Variants in GBP6 observed in about 807,000 individuals in gnomAD.
The protein encoded by GBP6 is guanylate-binding protein 6.
GBP6 carries 54 observed loss-of-function variants against 61.5 expected under a neutral mutation model. The observed-to-expected ratio is 0.88, with a 90% CI of 0.71 to 1.10. The LOEUF (loss-of-function observed/expected upper bound fraction) is 1.10. Ranked by LOEUF, GBP6 falls within the 50% of genes least tolerant of loss-of-function variation. GBP6 has a pLI of 0.00. For synonymous variants in GBP6, 255 were observed against 273.7 expected (o/e 0.93, Z 0.67); for missense variants, 748 against 752.8 (o/e 0.99, Z 0.07).
chr1:89,382,605 T>C, intron 7 of GBP6, 59 bp from the exon 8 acceptor site: 1 of 1,408,564 alleles, frequency 7.1e-7, no homozygotes, highest in East Asian at 2.3e-5. Flanking sequence ...ACCAGATTCT[T>C]TAGAATTTCA....
At chr1:89,377,769 C>T (rs901306733) in intron 3 of GBP6, among the ~76,000 whole-genome samples, 3 of 152,144 alleles carry the variant, frequency 2.0e-5, no homozygotes, top group African/African-American at 7.2e-5. Flanking sequence ...ATATGTGATG[C>T]ATGGCCAATA....
At chr1:89,373,151 A>C (rs1345350686) in intron 3 of GBP6, among the ~76,000 whole-genome samples, 1 of 152,244 alleles carries the variant, frequency 6.6e-6, no homozygotes, top group Non-Finnish European at 1.5e-5. Flanking sequence ...TGATCATTAA[A>C]AAGTCAGGAA....
intron 6 of GBP6, 124 bp from the exon 7 acceptor site, chr1:89,381,570 G>C: frequency 1.2e-6 from 1 of 830,968 alleles, no homozygotes; most frequent in South Asian, 1.8e-5. Context: ...AGGGATGTGG[G>C]TGTATGTGTT....
At position 89,386,335 on chromosome 1, in the gene GBP6, T is replaced by C. The variant is rs564775791; in HGVS notation, c.*866T>C. On this transcript the variant is annotated 3_prime_UTR_variant, in exon 11 of 11. Coordinates refer to ENST00000370456, the MANE Select transcript of GBP6 (RefSeq NM_198460.3). ...TGAATGTAGGGGTTGAAGGAACACA[T>C]ACTCTTCACTTTATACTCTTGAATT... is the stretch of plus-strand genomic sequence containing the variant. The C allele has an allele frequency of 2.6e-5, 4 of 152,332 alleles. No individual in the cohort carries two copies. The highest frequency in any genetic ancestry group is 7.2e-5 in the African/African-American group (3 of 41,576). 9.4% of individuals were successfully genotyped at this position (152,332 alleles called of 1,614,324 possible).
In GBP6 at chr1:89,369,609, AC is replaced by A; in HGVS notation, c.257del (p.Pro86HisfsTer46). The A allele has an allele frequency of 6.2e-7, 1 of 1,613,930 alleles. No homozygotes were observed. The highest frequency in any genetic ancestry group is 8.5e-7 in the Non-Finnish European group (1 of 1,179,872). On this transcript the variant is annotated frameshift_variant, in exon 3 of 11. Coordinates refer to ENST00000370456, the MANE Select transcript of GBP6 (RefSeq NM_198460.3). LOFTEE classifies it high-confidence loss of function. The stretch of plus-strand genomic sequence containing the variant: ...GGCATCTGGATGTGGTGCGTGCCCC[AC>A]CCATCCAAGCCAAACCACACCCTGG... ...TKGIWMWCVP[H>X]PSKPNHTLVL... is the part of the protein sequence containing the mutation.
intron 1 of GBP6, among the ~76,000 whole-genome samples, chr1:89,367,629 T>C (rs1324702304): frequency 6.6e-6 from 1 of 152,232 alleles, no homozygotes; most frequent in African/African-American, 2.4e-5. Flanking sequence ...TAGTGTTCTT[T>C]GATGCACAAA....
At chr1:89,368,170 A>G (rs1022305329) in intron 1 of GBP6, among the ~76,000 whole-genome samples, 3 of 152,110 alleles carry the variant, frequency 2.0e-5, no homozygotes, top group Non-Finnish European at 4.4e-5. Context: ...TCGTGATATC[A>G]TTTGTGTATT....
intron 1 of GBP6, among the ~76,000 whole-genome samples, chr1:89,365,015 G>A (rs116227981): frequency 0.084 from 1,110 of 13,166 alleles, 18 homozygotes; most frequent in African/African-American, 0.23. Flanking sequence ...CCAACCCCCC[G>A]CCGCCCGTGT....
chr1:89,377,602 A>G (rs576271113), intron 3 of GBP6, among the ~76,000 whole-genome samples: 1 of 152,182 alleles, frequency 6.6e-6, no homozygotes, highest in Non-Finnish European at 1.5e-5. Flanking sequence ...AAAGTTTGTC[A>G]CAGCTTTGAA....
In GBP6 at chr1:89,381,750, T is replaced by C. The variant is rs1395148029; in HGVS notation, c.928T>C (p.Cys310Arg). ...VEAINSGAVP[C>R]LENAVITLAQ... ...GGCCATCAACAGTGGAGCAGTGCCT[T>C]GTCTGGAGAATGCAGTGATAACTCT... Residue 310 changes from cysteine to arginine, a missense_variant, in exon 7 of 11, where the codon TGT becomes CGT. Transcript: ENST00000370456. 1 of 1,614,002 alleles carries C rather than the reference T, an allele frequency of 6.2e-7. No individual in the cohort carries two copies. The highest frequency in any genetic ancestry group is 1.3e-5 in the African/African-American group (1 of 74,896).
rs1653166330 is a variant in GBP6 at position 89,387,152 on chromosome 1, C to T, written c.*1683C>T. The stretch of plus-strand genomic sequence containing the variant: ...TACCCCAGGAAAGGACACTGCAACT[C>T]CAGGACCCAAATAAATGATAATGAT... On this transcript the variant is annotated 3_prime_UTR_variant, in exon 11 of 11. Coordinates refer to ENST00000370456, the MANE Select transcript of GBP6 (RefSeq NM_198460.3). 6.6e-6 allele frequency among the ~76,000 whole-genome samples: 1 copy of T among 152,118 alleles called. No individual in the cohort carries two copies. Among genetic ancestry groups the T allele is most frequent in the Non-Finnish European group, 1.5e-5 (1 of 68,018 alleles).
At position 89,381,986 on chromosome 1, in the gene GBP6, T is replaced by G. The variant is rs115696454; in HGVS notation, c.1152+12T>G. On this transcript the variant is annotated intron_variant, in intron 7 of 10. Transcript: ENST00000370456. ...AGAAGAAGTTCATGGTAATTTGCCTTAGTCATTACTGTTCATCATCCTTCC... is the reference window on the plus strand; with the variant it reads ...AGAAGAAGTTCATGGTAATTTGCCTGAGTCATTACTGTTCATCATCCTTCC... 2 of 1,590,866 alleles carry G rather than the reference T, an allele frequency of 1.3e-6. No individual in the cohort carries two copies. The highest frequency in any genetic ancestry group is 1.3e-5 in the African/African-American group (1 of 74,648).
At chr1:89,382,433 T>C (rs1653005619) in intron 7 of GBP6, among the ~76,000 whole-genome samples, 1 of 152,222 alleles carries the variant, frequency 6.6e-6, no homozygotes, top group South Asian at 2.1e-4. Context: ...TCTCATCATG[T>C]CACAGATAAG....
intron 3 of GBP6, among the ~76,000 whole-genome samples, chr1:89,377,052 T>C (rs1025200942): frequency 3.9e-5 from 6 of 152,212 alleles, no homozygotes; most frequent in African/African-American, 1.4e-4. Context: ...AAATCCCATA[T>C]AGAATCTCCT....
Position 89,374,279 on chromosome 1 carries a change from G to T in GBP6, c.319-3824G>T, listed in dbSNP as rs564622947. ...CTCTACATTTTCTTTTTCTGTTCAT[G>T]CATTGATGGACATTCGGGTAGTTTC... is the stretch of plus-strand genomic sequence containing the variant. On this transcript the variant is annotated intron_variant, in intron 3 of 10. Transcript: ENST00000370456. 2.6e-5 allele frequency among the ~76,000 whole-genome samples: 4 copies of T among 152,110 alleles called. No individual in the cohort carries two copies. In the South Asian group the frequency reaches 6.2e-4, roughly 24 times the overall value.
intron 1 of GBP6, among the ~76,000 whole-genome samples, chr1:89,365,287 G>T (rs1652440470): frequency 6.6e-6 from 1 of 152,156 alleles, no homozygotes; most frequent in Admixed American, 6.5e-5. Context: ...CCAGAGACCT[G>T]GTTTATATAA....
In GBP6 at chr1:89,381,815, T is replaced by C. The variant is rs778569008; in HGVS notation, c.993T>C (p.Ala331=). ...ACTCAGCGGCCGTGCAGAGGGCAGCTGACTACTACAGCCAGCAGATGGCCC... is the reference window on the plus strand; with the variant it reads ...ACTCAGCGGCCGTGCAGAGGGCAGCCGACTACTACAGCCAGCAGATGGCCC... ...RENSAAVQRA[A]DYYSQQMAQR... Residue 331 remains alanine (A), a synonymous_variant, in exon 7 of 11, where the codon GCT becomes GCC. Transcript: ENST00000370456. 6.2e-7 allele frequency: 1 copy of C among 1,614,102 alleles called. No homozygotes were observed. The highest frequency in any genetic ancestry group is 1.1e-5 in the South Asian group (1 of 91,076).
intron 3 of GBP6, 119 bp downstream of exon 3, chr1:89,369,792 A>C: frequency 8.1e-7 from 1 of 1,238,030 alleles, no homozygotes; most frequent in Non-Finnish European, 1.1e-6. Context: ...GCAAACTTTG[A>C]CCTGTTTGAA....
Position 89,379,026 on chromosome 1 carries a change from C to CA in GBP6, c.625+414dup, listed in dbSNP as rs1209294952. ...TAAATGTGTGTGTTAGTCCATTTTG[C>CA]ATTGCTATAAAGGAATGCCTGAGCC... On this transcript the variant is annotated intron_variant, in intron 5 of 10. Coordinates refer to ENST00000370456, the MANE Select transcript of GBP6 (RefSeq NM_198460.3). Among the ~76,000 whole-genome samples, 33 of 152,236 alleles carry CA rather than the reference C, an allele frequency of 2.2e-4. 1 individual carries two copies. The East Asian group carries it at 3.9e-3, about 18-fold the overall frequency.
Sources: gnomAD v4.1 joint callset for allele counts (sites outside exome capture counted in the v4.1 genomes callset) on GRCh38, gnomAD v4.1.1 for gene constraint, MANE v1.5 for transcripts, NCBI Gene and HGNC (gene_info 2026-07-23, HGNC 2026-07-21) for gene names.